MGST2: variants seen among roughly 807,000 people sequenced by gnomAD.
MGST2 encodes the protein microsomal glutathione S-transferase 2.
In MGST2, 9 loss-of-function variants were observed where a neutral mutation model predicts 16.6. The ratio of observed to expected loss-of-function variants is 0.54; its 90% CI spans 0.33 to 0.95. MGST2 has a LOEUF of 0.95. Among genes scored for constraint, MGST2 ranks in the 40% least tolerant of loss-of-function variants. The pLI is 0.03. For missense variants in MGST2, 159 were observed against 175.1 expected, an observed-to-expected ratio of 0.91 and a Z score of 0.52; for synonymous variants, 79 against 68.0, an observed-to-expected ratio of 1.16 and a Z score of -0.79.
intron 5 of MGST2, among the ~76,000 whole-genome samples, chr4:139,722,214 G>A (rs539506204): frequency 6.6e-6 from 1 of 152,296 alleles, no homozygotes; most frequent in African/African-American, 2.4e-5. Flanking sequence ...ATTAATCCAA[G>A]CCAACCTTTA....
intron 5 of MGST2, among the ~76,000 whole-genome samples, chr4:139,722,734 A>G (rs1361332521): frequency 6.6e-6 from 1 of 152,218 alleles, no homozygotes; most frequent in Non-Finnish European, 1.5e-5. Context: ...GACCTTTGAA[A>G]TGTATAATGG....
chr4:139,675,948 G>A (rs1404938857), intron 1 of MGST2, among the ~76,000 whole-genome samples: 1 of 152,120 alleles, frequency 6.6e-6, no homozygotes, highest in East Asian at 1.9e-4. Flanking sequence ...AAGAAGCCTG[G>A]AACCGGCCTT....
At chr4:139,699,886 T>A (rs563657739) in intron 3 of MGST2, among the ~76,000 whole-genome samples, 11 of 152,008 alleles carry the variant, frequency 7.2e-5, no homozygotes, top group South Asian at 6.2e-4. Flanking sequence ...AAATTTTTTT[T>A]AAAAAACTAT....
At chr4:139,730,716 A>G in intron 5 of MGST2, 1 of 1,530,178 alleles carries the variant, frequency 6.5e-7, no homozygotes, top group Non-Finnish European at 9.0e-7. Context: ...ATAGAGACTC[A>G]CTGCTGTTTG....
chr4:139,711,802 C>G (rs766845575), intron 5 of MGST2, among the ~76,000 whole-genome samples: 33 of 152,150 alleles, frequency 2.2e-4, no homozygotes, highest in Non-Finnish European at 1.3e-4. Flanking sequence ...GACATTTCCC[C>G]CCTTTCTTTT....
chr4:139,753,388 T>TATCTATC, the MGST2 span, among the ~76,000 whole-genome samples: 3 of 113,224 alleles, frequency 2.6e-5, no homozygotes, highest in African/African-American at 9.9e-5. Flanking sequence ...ATCTATCTAT[T>TATCTATC]TTTTGTTAGG....
At chr4:139,737,143 T>C (rs1398164224) in intron 5 of MGST2, among the ~76,000 whole-genome samples, 1 of 152,082 alleles carries the variant, frequency 6.6e-6, no homozygotes, top group African/African-American at 2.4e-5. Context: ...ATCCCTAGAC[T>C]TACAAGTCCC....
At chr4:139,682,156 A>ACT (rs1446561133) in intron 2 of MGST2, among the ~76,000 whole-genome samples, 1 of 152,074 alleles carries the variant, frequency 6.6e-6, no homozygotes, top group Non-Finnish European at 1.5e-5. Context: ...TGATCATGCC[A>ACT]CTATACTCCA....
At chr4:139,669,345 T>C (rs976329923) in intron 1 of MGST2, among the ~76,000 whole-genome samples, 1 of 152,202 alleles carries the variant, frequency 6.6e-6, no homozygotes, top group African/African-American at 2.4e-5. Context: ...AAGTCTGATG[T>C]TCATGGAGTC....
chr4:139,716,071 G>C (rs1358579226), intron 5 of MGST2, among the ~76,000 whole-genome samples: 1 of 152,160 alleles, frequency 6.6e-6, no homozygotes, highest in Non-Finnish European at 1.5e-5. Flanking sequence ...GGTCTGGGGG[G>C]CACCTTTAAA....
chr4:139,684,911 G>T (rs1314215997), intron 2 of MGST2, among the ~76,000 whole-genome samples: 1 of 152,174 alleles, frequency 6.6e-6, no homozygotes, highest in African/African-American at 2.4e-5. Flanking sequence ...TGGGGAGCAG[G>T]CTGGGGCTCA....
chr4:139,709,859 G>A (rs1299857917), intron 5 of MGST2, among the ~76,000 whole-genome samples: 1 of 152,204 alleles, frequency 6.6e-6, no homozygotes, highest in Admixed American at 6.5e-5. Context: ...ACATGTGTGA[G>A]AGCTGCAGTA....
chr4:139,713,834 G>A (rs547003288), intron 5 of MGST2, among the ~76,000 whole-genome samples: 1 of 152,294 alleles, frequency 6.6e-6, no homozygotes, highest in African/African-American at 2.4e-5. Context: ...AATGGTAGGC[G>A]GGGAAATCGA....
intron 5 of MGST2, among the ~76,000 whole-genome samples, chr4:139,716,463 A>T (rs928420425): frequency 6.6e-6 from 1 of 152,218 alleles, no homozygotes; most frequent in African/African-American, 2.4e-5. Flanking sequence ...TGGAATTGTT[A>T]TGGTACTGAA....
chr4:139,691,847 C>T (rs1367660656), intron 2 of MGST2, among the ~76,000 whole-genome samples: 4 of 152,086 alleles, frequency 2.6e-5, no homozygotes, highest in African/African-American at 9.7e-5. Context: ...TACAGGCACC[C>T]GCCACCACGC....
intron 3 of MGST2, among the ~76,000 whole-genome samples, chr4:139,702,073 A>G (rs1727281538): frequency 6.6e-6 from 1 of 152,222 alleles, no homozygotes; most frequent in African/African-American, 2.4e-5. Flanking sequence ...GGCTCTGGCA[A>G]CTTGCATCTG....
chr4:139,678,455 G>A (rs1731072596), intron 1 of MGST2, 88 bp from the exon 2 acceptor site: 8 of 912,036 alleles, frequency 8.8e-6, no homozygotes, highest in Non-Finnish European at 1.8e-6. Context: ...TAGGTATGTA[G>A]TACTATCTAA....
chr4:139,717,057 A>G (rs1728001844), intron 5 of MGST2: 1 of 152,432 alleles, frequency 6.6e-6, no homozygotes, highest in Non-Finnish European at 1.5e-5. Flanking sequence ...ATTTATATGT[A>G]TATTTTTTAC....
At position 139,678,551 on chromosome 4, in the gene MGST2, G is replaced by A; in HGVS notation, c.67G>A (p.Ala23Thr). ...TTTCCCTTTACTTGCAGGTTATTTT[G>A]CTTTGCAAGTTGGAAAGGCAAGATT... ...ILSACQQSYF[A>T]LQVGKARLKY... is the part of the protein sequence containing the mutation. The change falls in exon 2 of 5, where the codon GCT (alanine) becomes ACT (threonine). Residue 23 changes from alanine (A) to threonine (T), a missense_variant. Ala to Thr is a moderately conservative substitution (Grantham distance 58, BLOSUM62 0). Coordinates refer to ENST00000265498, the MANE Select transcript of MGST2 (RefSeq NM_002413.5). 6.2e-7 allele frequency: 1 copy of A among 1,613,622 alleles called. No homozygotes were observed. The highest frequency in any genetic ancestry group is 1.1e-5 in the South Asian group (1 of 91,060).
Sources: gnomAD v4.1 joint callset for allele counts (sites outside exome capture counted in the v4.1 genomes callset) on GRCh38, gnomAD v4.1.1 for gene constraint, MANE v1.5 for transcripts, NCBI Gene and HGNC (gene_info 2026-07-23, HGNC 2026-07-21) for gene names.